GLI3: variants seen among roughly 807,000 people sequenced by gnomAD.
GLI3 encodes the protein GLI family zinc finger 3.
In GLI3, 20 loss-of-function variants were observed where a neutral mutation model predicts 100.8. That is an observed-to-expected ratio of 0.20 (90% CI 0.14 to 0.29). The LOEUF is 0.29. Among genes scored for constraint, GLI3 ranks in the 10% least tolerant of loss-of-function variants. The pLI, the probability that GLI3 is intolerant of heterozygous loss-of-function variation, is 1.00. For missense variants in GLI3, 2,040 were observed against 2,128.5 expected, an observed-to-expected ratio of 0.96 and a Z score of 0.82; for synonymous variants, 938 against 860.5, an observed-to-expected ratio of 1.09 and a Z score of -1.58.
At chr7:42,009,398 G>T (rs1788548420) in intron 10 of GLI3, among the ~76,000 whole-genome samples, 1 of 151,426 alleles carries the variant, frequency 6.6e-6, no homozygotes, top group African/African-American at 2.4e-5. Context: ...CCTACCCTTG[G>T]AACTTTCTGA....
chr7:42,263,672 T>G (rs905875164), intron 1 of GLI3, among the ~76,000 whole-genome samples: 1 of 152,062 alleles, frequency 6.6e-6, no homozygotes, highest in African/African-American at 2.4e-5. Flanking sequence ...GGTCTCTTAC[T>G]CCTGACTTAA....
At chr7:42,200,623 G>C (rs1171771512) in intron 2 of GLI3, among the ~76,000 whole-genome samples, 1 of 152,102 alleles carries the variant, frequency 6.6e-6, no homozygotes, top group Non-Finnish European at 1.5e-5. Context: ...TAAAAATAAA[G>C]CCAGCAAAAA....
chr7:42,061,302 T>C (rs1784564257), intron 4 of GLI3, among the ~76,000 whole-genome samples: 1 of 152,192 alleles, frequency 6.6e-6, no homozygotes, highest in Non-Finnish European at 1.5e-5. Flanking sequence ...AACAGTAGTC[T>C]CATCTTCTAG....
chr7:42,009,393 C>A (rs1274621289), intron 10 of GLI3, among the ~76,000 whole-genome samples: 1 of 151,882 alleles, frequency 6.6e-6, no homozygotes, highest in Non-Finnish European at 1.5e-5. Context: ...TTGACCCTAC[C>A]CTTGGAACTT....
chr7:42,020,817 G>A (rs1788915435), intron 10 of GLI3, among the ~76,000 whole-genome samples: 1 of 151,482 alleles, frequency 6.6e-6, no homozygotes, highest in Non-Finnish European at 1.5e-5. Context: ...GTGAACCTGG[G>A]AGGCGGAGCT....
chr7:42,056,779 C>T lies in GLI3; in HGVS notation c.474-8083G>A, dbSNP rs796860052. Among the ~76,000 whole-genome samples, 7 of 136,910 alleles carry T rather than the reference C, an allele frequency of 5.1e-5. No homozygotes were observed. In the East Asian group the frequency reaches 9.8e-4, roughly 19 times the overall value. The allele number at this position is 136,910 out of a possible 152,430, so 89.8% of individuals were successfully genotyped here. A position where few individuals can be genotyped will look rare whatever the true frequency, so the allele number is the denominator to read the frequency against. On this transcript the variant is annotated intron_variant, in intron 4 of 14. Coordinates refer to ENST00000395925, the MANE Select transcript of GLI3 (RefSeq NM_000168.6). ...CAGTGTGACCAACATGGAGAAACCC[C>T]GTCTCTACTAAAAATACAAAAATAA...
intron 3 of GLI3, among the ~76,000 whole-genome samples, chr7:42,085,899 A>G (rs747152845): frequency 1.3e-5 from 2 of 152,224 alleles, no homozygotes; most frequent in Non-Finnish European, 2.9e-5. Context: ...CTGGAAGACC[A>G]GCAGTATTTC....
intron 3 of GLI3, among the ~76,000 whole-genome samples, chr7:42,135,037 C>T (rs186682052): frequency 1.3e-5 from 2 of 152,238 alleles, no homozygotes; most frequent in Admixed American, 6.5e-5. Flanking sequence ...ATTGTAAAAA[C>T]CCCCTTGGAA....
chr7:42,146,256 A>G (rs1786706747), intron 3 of GLI3, among the ~76,000 whole-genome samples: 1 of 152,150 alleles, frequency 6.6e-6, no homozygotes, highest in African/African-American at 2.4e-5. Context: ...GTGATGATGA[A>G]TGAATTCAGA....
At chr7:42,039,838 C>A (rs936069270) in intron 7 of GLI3, among the ~76,000 whole-genome samples, 200 bp downstream of exon 7, 6 of 152,190 alleles carry the variant, frequency 3.9e-5, no homozygotes, top group African/African-American at 1.4e-4. Flanking sequence ...CTAATGTCTG[C>A]AAACACAAAA....
chr7:41,990,089 G>T (rs1182038410), intron 10 of GLI3, among the ~76,000 whole-genome samples: 4 of 148,606 alleles, frequency 2.7e-5, no homozygotes, highest in East Asian at 2.1e-4. Flanking sequence ...TAGTACATTT[G>T]CACTTTTAAC....
At chr7:42,093,205 C>T (rs545857666) in intron 3 of GLI3, among the ~76,000 whole-genome samples, 1 of 151,972 alleles carries the variant, frequency 6.6e-6, no homozygotes, top group Admixed American at 6.5e-5. Context: ...CATGGAGAAA[C>T]CCCGTCTCTA....
chr7:42,217,473 C>G (rs923558881), intron 2 of GLI3, among the ~76,000 whole-genome samples: 28 of 152,144 alleles, frequency 1.8e-4, no homozygotes, highest in African/African-American at 6.8e-4. Context: ...TCGAATACAG[C>G]ACAAACCACC....
At chr7:42,080,904 C>A (rs1302090519) in intron 3 of GLI3, among the ~76,000 whole-genome samples, 1 of 152,120 alleles carries the variant, frequency 6.6e-6, no homozygotes, top group African/African-American at 2.4e-5. Flanking sequence ...TTACCCAGCT[C>A]GCAGTTTATT....
intron 10 of GLI3, among the ~76,000 whole-genome samples, chr7:41,980,645 G>C (rs1787638554): frequency 6.6e-6 from 1 of 152,112 alleles, no homozygotes. Context: ...GAGAGTGAGG[G>C]AGACAGAAGG....
At chr7:41,977,875 TGGGA>T in intron 11 of GLI3, 153 bp from the exon 12 acceptor site, 1 of 723,266 alleles carries the variant, frequency 1.4e-6, no homozygotes, top group South Asian at 1.5e-5. Flanking sequence ...CTGCATTTAT[TGGGA>T]TTCAGATGTA....
intron 3 of GLI3, among the ~76,000 whole-genome samples, chr7:42,131,804 A>T (rs1314640574): frequency 6.6e-6 from 1 of 152,224 alleles, no homozygotes; most frequent in East Asian, 1.9e-4. Flanking sequence ...AGCACCCAAT[A>T]TACAAGTAAT....
chr7:41,976,421 T>G (rs1201882222), intron 12 of GLI3, among the ~76,000 whole-genome samples: 1 of 152,176 alleles, frequency 6.6e-6, no homozygotes, highest in African/African-American at 2.4e-5. Flanking sequence ...TTTAGAGATG[T>G]TTTTGCTCTG....
intron 4 of GLI3, 23 bp from the exon 5 acceptor site, chr7:42,048,719 A>G (rs776620440): frequency 1.1e-5 from 16 of 1,505,334 alleles, no homozygotes; most frequent in South Asian, 2.3e-5. Flanking sequence ...AAAACCAGAT[A>G]CAAGGGGTAT....
Sources: allele counts gnomAD v4.1 joint callset (sites outside exome capture counted in the v4.1 genomes callset), GRCh38; gene constraint gnomAD v4.1.1; transcripts MANE v1.5; gene names NCBI Gene and HGNC (gene_info 2026-07-23, HGNC 2026-07-21).